WNT3: variants seen among roughly 807,000 people sequenced by gnomAD.
WNT3 encodes the protein proto-oncogene Wnt-3.
In WNT3, 7 loss-of-function variants were observed where a neutral mutation model predicts 34.2. That is an observed-to-expected ratio of 0.20 (90% CI 0.12 to 0.38). The LOEUF is 0.38. Among genes scored for constraint, WNT3 ranks in the 10% least tolerant of loss-of-function variants. The probability of loss-of-function intolerance (pLI) is 1.00; values close to 1 mark genes in which losing one functional copy is unlikely to be tolerated. For missense variants in WNT3, 267 were observed against 499.8 expected, an observed-to-expected ratio of 0.53 and a Z score of 4.44; for synonymous variants, 212 against 211.5, an observed-to-expected ratio of 1.00 and a Z score of -0.02.
intron 1 of WNT3, among the ~76,000 whole-genome samples, chr17:46,804,008 G>T (rs2084160547): frequency 6.6e-6 from 1 of 152,120 alleles, no homozygotes; most frequent in African/African-American, 2.4e-5. Flanking sequence ...CTCAGGGCAA[G>T]CTCCATCCTT....
At position 46,768,681 on chromosome 17, in the gene WNT3, T is replaced by C; in HGVS notation, c.707A>G (p.Asp236Gly). 1.2e-6 allele frequency: 2 copies of C among 1,614,106 alleles called. No individual in the cohort carries two copies. Among genetic ancestry groups the C allele is most frequent in the Non-Finnish European group, 1.7e-6 (2 of 1,180,038 alleles). The stretch of plus-strand genomic sequence containing the variant: ...CATCTCCGAGGCGCTGTCATACTTG[T>C]CCTTGAGGAAGTCACCGATGGCACG... ...DFRAIGDFLKDKYDSASEMVV... is the reference protein window; with the variant it reads ...DFRAIGDFLKGKYDSASEMVV... Residue 236 changes from aspartate (D) to glycine (G), a missense_variant, in exon 4 of 5, where the codon GAC (aspartate) becomes GGC (glycine). Coordinates refer to ENST00000225512, the MANE Select transcript of WNT3 (RefSeq NM_030753.5). The surrounding 1 kb of genome is among the most constrained non-coding windows in gnomAD (Gnocchi z 5.0).
intron 1 of WNT3, among the ~76,000 whole-genome samples, chr17:46,804,397 T>G (rs1025805606): frequency 5.3e-5 from 8 of 152,264 alleles, no homozygotes; most frequent in Admixed American, 5.2e-4. Context: ...TGTTTTTATT[T>G]TGTTATTTAA....
chr17:46,785,340 G>C (rs1032949596), intron 1 of WNT3, among the ~76,000 whole-genome samples: 1 of 152,208 alleles, frequency 6.6e-6, no homozygotes, highest in South Asian at 2.1e-4. Context: ...TAATGTCACC[G>C]TGAGTGCAGC....
chr17:46,768,119 T>C lies in WNT3; in HGVS notation c.*8+193A>G, dbSNP rs1208829713. Among the ~76,000 whole-genome samples the C allele has an allele frequency of 6.6e-6, 1 of 152,170 alleles. No homozygotes were observed. The highest frequency in any genetic ancestry group is 1.5e-5 in the Non-Finnish European group (1 of 68,024). Reference sequence around the variant, plus strand: ...GGGTTTTTATCTGTGCTTTGTGCAATCCACCAAGTCTCTGCCCAAGGACCA... The same window carrying C: ...GGGTTTTTATCTGTGCTTTGTGCAACCCACCAAGTCTCTGCCCAAGGACCA... On this transcript the variant is annotated intron_variant, in intron 4 of 4. Transcript: ENST00000225512. The surrounding 1 kb of genome is among the most constrained non-coding windows in gnomAD (Gnocchi z 5.0).
intron 1 of WNT3, among the ~76,000 whole-genome samples, chr17:46,809,179 C>T (rs763905121): frequency 2.6e-5 from 4 of 152,126 alleles, no homozygotes; most frequent in African/African-American, 4.8e-5. Context: ...CATAGGGAGC[C>T]TCAGTACCAG....
In WNT3 at chr17:46,785,938, C is replaced by A. The variant is rs370506751; in HGVS notation, c.81-12029G>T. On this transcript the variant is annotated intron_variant, in intron 1 of 4. Transcript: ENST00000225512. Reference sequence around the variant, plus strand: ...AAGCAGCTCCTGGAGCGCCTGCCTGCGGCTCTGGCTGATCTGATAAGATGT... The same window carrying A: ...AAGCAGCTCCTGGAGCGCCTGCCTGAGGCTCTGGCTGATCTGATAAGATGT... 3.9e-5 allele frequency among the ~76,000 whole-genome samples: 6 copies of A among 152,326 alleles called. No individual in the cohort carries two copies. The East Asian group carries it at 7.7e-4, about 20-fold the overall frequency.
chr17:46,790,209 T>C (rs2083964428), intron 1 of WNT3, among the ~76,000 whole-genome samples: 1 of 152,096 alleles, frequency 6.6e-6, no homozygotes. Flanking sequence ...GTCCTCTCCT[T>C]GCAACAGGCG....
intron 1 of WNT3, among the ~76,000 whole-genome samples, chr17:46,805,409 C>T (rs1436593832): frequency 6.6e-6 from 1 of 151,884 alleles, no homozygotes; most frequent in African/African-American, 2.4e-5. Flanking sequence ...CCCATCTCTA[C>T]TAAAAATACA....
chr17:46,787,248 A>G (rs1598773915), intron 1 of WNT3, among the ~76,000 whole-genome samples: 1 of 141,246 alleles, frequency 7.1e-6, no homozygotes, highest in Non-Finnish European at 1.5e-5. Context: ...GCCAATAAAG[A>G]CCTGTTGAAG....
chr17:46,787,623 C>T (rs2059519998), intron 1 of WNT3, among the ~76,000 whole-genome samples: 2 of 152,174 alleles, frequency 1.3e-5, no homozygotes, highest in Admixed American at 1.3e-4. Flanking sequence ...GGCTGGGCCT[C>T]ATTCAGTACC....
chr17:46,774,806 C>T (rs2059401254), intron 1 of WNT3, among the ~76,000 whole-genome samples: 1 of 152,196 alleles, frequency 6.6e-6, no homozygotes, highest in African/African-American at 2.4e-5. Context: ...TTTCCGTTCC[C>T]TGCCCTCAGC....
chr17:46,809,361 G>T (rs1319319776), intron 1 of WNT3, among the ~76,000 whole-genome samples: 9 of 152,180 alleles, frequency 5.9e-5, no homozygotes, highest in African/African-American at 2.2e-4. Flanking sequence ...TTCCTTGCCG[G>T]CCCAGCTGGC....
At chr17:46,799,446 CTT>C (rs11319114) in intron 1 of WNT3, among the ~76,000 whole-genome samples, 44,056 of 121,744 alleles carry the variant, frequency 0.36, 7,123 homozygotes, top group East Asian at 0.41. Context: ...ATTATTTCTA[CTT>C]TTTTTTTTTT....
At chr17:46,796,553 A>T (rs997394001) in intron 1 of WNT3, among the ~76,000 whole-genome samples, 2 of 152,206 alleles carry the variant, frequency 1.3e-5, no homozygotes, top group Non-Finnish European at 2.9e-5. Flanking sequence ...GAGAGATCCC[A>T]TCTGTATGTC....
chr17:46,802,815 C>T (rs1403584045), intron 1 of WNT3, among the ~76,000 whole-genome samples: 2 of 152,188 alleles, frequency 1.3e-5, no homozygotes, highest in Non-Finnish European at 2.9e-5. Context: ...TCCCATACCT[C>T]GCCCTATGCA....
intron 1 of WNT3, among the ~76,000 whole-genome samples, chr17:46,814,342 TTTC>T (rs2084313165): frequency 6.6e-6 from 1 of 152,158 alleles, no homozygotes. Context: ...TTTGACCTGT[TTTC>T]TTCTTTTTAA....
intron 1 of WNT3, among the ~76,000 whole-genome samples, chr17:46,786,301 C>A (rs1031245670): frequency 3.3e-5 from 5 of 152,148 alleles, no homozygotes; most frequent in Admixed American, 6.5e-5. Flanking sequence ...AGGGGTCCTG[C>A]ACCCCTGGCC....
At chr17:46,787,708 C>T (rs921764285) in intron 1 of WNT3, among the ~76,000 whole-genome samples, 1 of 152,222 alleles carries the variant, frequency 6.6e-6, no homozygotes, top group African/African-American at 2.4e-5. Context: ...ATTCCCGGCA[C>T]TTTGGGAGGC....
intron 1 of WNT3, among the ~76,000 whole-genome samples, chr17:46,786,032 A>G (rs1416559463): frequency 6.6e-6 from 1 of 152,196 alleles, no homozygotes; most frequent in Non-Finnish European, 1.5e-5. Flanking sequence ...TGTTGTGAGC[A>G]TGAAGTGCTT....
Sources: allele counts gnomAD v4.1 joint callset (sites outside exome capture counted in the v4.1 genomes callset), GRCh38; gene constraint gnomAD v4.1.1; non-coding constraint Gnocchi (gnomAD v3.1); transcripts MANE v1.5; gene names NCBI Gene and HGNC (gene_info 2026-07-23, HGNC 2026-07-21).